Variants in FAT3 observed in about 807,000 individuals in gnomAD.
FAT3 encodes protocadherin Fat 3.
Under a neutral mutation model 310.2 loss-of-function variants are expected in FAT3, and 95 were observed. The observed-to-expected ratio is 0.31, with a 90% CI of 0.26 to 0.36. The LOEUF (loss-of-function observed/expected upper bound fraction) is 0.36. Among genes scored for constraint, FAT3 ranks in the 10% least tolerant of loss-of-function variants. The pLI, the probability that FAT3 is intolerant of heterozygous loss-of-function variation, is 1.00. For missense variants in FAT3, 5,408 were observed against 5,715.6 expected, an observed-to-expected ratio of 0.95 and a Z score of 1.74; for synonymous variants, 2,314 against 2,192.9, an observed-to-expected ratio of 1.06 and a Z score of -1.54.
intron 1 of FAT3, among the ~76,000 whole-genome samples, chr11:92,295,431 C>A (rs1022548061): frequency 6.6e-6 from 1 of 152,122 alleles, no homozygotes; most frequent in Non-Finnish European, 1.5e-5. Context: ...TTGCAAATTG[C>A]ATATTTGCTA....
chr11:92,883,767 T>C lies in FAT3; in HGVS notation c.12937+374T>C, dbSNP rs574432477. The stretch of plus-strand genomic sequence containing the variant: ...AGTTATTGTGTATAAATTATAATAG[T>C]GTGTGTGTGTCTGGGCCTATGTACA... On this transcript the variant is annotated intron_variant, in intron 24 of 27. Coordinates refer to ENST00000525166, the MANE Select transcript of FAT3 (RefSeq NM_001367949.2). The surrounding 1 kb of genome is among the most constrained non-coding windows in gnomAD (Gnocchi z 4.2). 8.5e-5 allele frequency among the ~76,000 whole-genome samples: 13 copies of C among 152,072 alleles called. No homozygotes were observed. Among genetic ancestry groups the C allele is most frequent in the African/African-American group, 2.4e-4 (10 of 41,496 alleles).
chr11:92,651,234 C>T (rs1022393640), intron 3 of FAT3, among the ~76,000 whole-genome samples: 2 of 152,192 alleles, frequency 1.3e-5, no homozygotes, highest in African/African-American at 4.8e-5. Flanking sequence ...GTACCTAGAC[C>T]TTGCTCAGGC....
intron 3 of FAT3, among the ~76,000 whole-genome samples, chr11:92,645,276 T>C (rs1381831416): frequency 1.3e-5 from 2 of 152,212 alleles, no homozygotes; most frequent in African/African-American, 4.8e-5. Flanking sequence ...AGGAAAACCA[T>C]AAATACAAAA....
At chr11:92,582,673 G>A (rs976611255) in intron 3 of FAT3, among the ~76,000 whole-genome samples, 1 of 151,990 alleles carries the variant, frequency 6.6e-6, no homozygotes, top group African/African-American at 2.4e-5. Flanking sequence ...CATTATTCCT[G>A]GCTTGGTGAA....
At chr11:92,733,034 G>T (rs528829248) in intron 4 of FAT3, among the ~76,000 whole-genome samples, 9 of 152,198 alleles carry the variant, frequency 5.9e-5, no homozygotes, top group Non-Finnish European at 1.0e-4. Flanking sequence ...AGAACAGCAG[G>T]CTTGCTGAGG....
chr11:92,347,083 C>T (rs1312982938), intron 1 of FAT3, among the ~76,000 whole-genome samples: 1 of 152,124 alleles, frequency 6.6e-6, no homozygotes, highest in African/African-American at 2.4e-5. Flanking sequence ...GAAGAATAAA[C>T]TGAGGTGCAG....
At chr11:92,848,144 A>T (rs1169881724) in intron 19 of FAT3, among the ~76,000 whole-genome samples, 2 of 152,198 alleles carry the variant, frequency 1.3e-5, no homozygotes, top group African/African-American at 4.8e-5. Flanking sequence ...TCCTCCTCCC[A>T]ACTTCCAGCT....
chr11:92,832,219 C>T (rs531255118), intron 14 of FAT3, among the ~76,000 whole-genome samples: 22 of 152,148 alleles, frequency 1.4e-4, no homozygotes, highest in Admixed American at 3.9e-4. Context: ...ACCTGTGGTC[C>T]CTACTGCTTG....
intron 4 of FAT3, among the ~76,000 whole-genome samples, chr11:92,742,062 A>G (rs1239004014): frequency 6.6e-6 from 1 of 152,246 alleles, no homozygotes; most frequent in African/African-American, 2.4e-5. Context: ...ATGTGTCAGG[A>G]CATGTGCTGG....
At chr11:92,768,364 C>T (rs1946373441) in intron 6 of FAT3, among the ~76,000 whole-genome samples, 1 of 152,162 alleles carries the variant, frequency 6.6e-6, no homozygotes, top group South Asian at 2.1e-4. Context: ...CATCTTGAAA[C>T]ACCAAATCTT....
chr11:92,579,944 AAC>A, intron 3 of FAT3, among the ~76,000 whole-genome samples: 1 of 152,246 alleles, frequency 6.6e-6, no homozygotes, highest in East Asian at 1.9e-4. Flanking sequence ...ATATGCTTTA[AAC>A]ACACCAATAG....
intron 3 of FAT3, among the ~76,000 whole-genome samples, chr11:92,638,659 GA>G (rs1941854793): frequency 6.6e-6 from 1 of 152,252 alleles, no homozygotes. Context: ...CGTCTCATAG[GA>G]AATGTCAGCA....
intron 3 of FAT3, among the ~76,000 whole-genome samples, chr11:92,599,734 C>T (rs745763188): frequency 7.2e-5 from 11 of 152,152 alleles, no homozygotes; most frequent in Non-Finnish European, 1.3e-4. Context: ...AATTATACAG[C>T]CAGAATATCT....
intron 1 of FAT3, among the ~76,000 whole-genome samples, chr11:92,254,149 T>A (rs1028024901): frequency 3.9e-5 from 6 of 152,136 alleles, no homozygotes; most frequent in African/African-American, 1.4e-4. Flanking sequence ...CTCCCCAGTA[T>A]ACTGTGCTCC....
At chr11:92,439,540 G>A (rs1951020615) in intron 2 of FAT3, among the ~76,000 whole-genome samples, 1 of 152,094 alleles carries the variant, frequency 6.6e-6, no homozygotes, top group African/African-American at 2.4e-5. Context: ...ATGACAGGGT[G>A]TCTGCCTTTC....
intron 1 of FAT3, among the ~76,000 whole-genome samples, chr11:92,315,504 T>TAGAG (rs1947425487): frequency 3.4e-4 from 31 of 90,974 alleles, no homozygotes; most frequent in East Asian, 3.2e-3. Context: ...TATATATATA[T>TAGAG]ATATATATAG....
intron 4 of FAT3, among the ~76,000 whole-genome samples, chr11:92,748,469 C>T (rs1278786395): frequency 6.6e-6 from 1 of 152,088 alleles, no homozygotes; most frequent in Non-Finnish European, 1.5e-5. Context: ...TTCCTTTCTC[C>T]TTTCTTCTCC....
chr11:92,353,785 A>G lies in FAT3; in HGVS notation c.1673A>G (p.His558Arg), dbSNP rs749319415. 1.9e-6 allele frequency: 3 copies of G among 1,613,436 alleles called. No homozygotes were observed. The highest frequency in any genetic ancestry group is 2.5e-6 in the Non-Finnish European group (3 of 1,179,556). Residue 558 changes from histidine (H) to arginine (R), a missense_variant, in exon 2 of 28, where the codon CAT becomes CGT. Transcript: ENST00000525166. ...RASDWGSPYRHESEVNVTIRI... is the reference protein window; with the variant it reads ...RASDWGSPYRRESEVNVTIRI... The stretch of plus-strand genomic sequence containing the variant: ...TCTGACTGGGGTTCACCATACCGCC[A>G]TGAAAGTGAGGTCAATGTGACTATT...
chr11:92,683,971 A>G (rs1353641689), intron 3 of FAT3, among the ~76,000 whole-genome samples: 1 of 152,192 alleles, frequency 6.6e-6, no homozygotes, highest in African/African-American at 2.4e-5. Context: ...GACATGTAGC[A>G]TCGACATGTA....
Sources: allele counts gnomAD v4.1 joint callset (sites outside exome capture counted in the v4.1 genomes callset), GRCh38; gene constraint gnomAD v4.1.1; non-coding constraint Gnocchi (gnomAD v3.1); transcripts MANE v1.5; gene names NCBI Gene and HGNC (gene_info 2026-07-23, HGNC 2026-07-21).